SLC17A1: variants seen among roughly 807,000 people sequenced by gnomAD.
The protein encoded by SLC17A1 is solute carrier family 17 member 1.
SLC17A1 carries 51 observed loss-of-function variants against 53.5 expected under a neutral mutation model. That is an observed-to-expected ratio of 0.95 (90% CI 0.76 to 1.20). The LOEUF (loss-of-function observed/expected upper bound fraction) is 1.20. Among genes scored for constraint, SLC17A1 ranks in the 50% most tolerant of loss-of-function variants. The pLI is 0.00. For missense variants in SLC17A1, 538 were observed against 568.2 expected (o/e 0.95, Z 0.54); for synonymous variants, 179 against 198.8 (o/e 0.90, Z 0.84).
intron 12 of SLC17A1, among the ~76,000 whole-genome samples, chr6:25,785,393 T>A (rs1406401296): frequency 6.6e-6 from 1 of 152,122 alleles, no homozygotes; most frequent in African/African-American, 2.4e-5. Context: ...TACATCTTCA[T>A]GACCTTTGAC....
the SLC17A1 span, among the ~76,000 whole-genome samples, chr6:25,753,563 T>TA: frequency 1.1e-4 from 16 of 151,736 alleles, no homozygotes; most frequent in Non-Finnish European, 2.1e-4. Context: ...ATGGAGAAAA[T>TA]AAAAAATAAT....
the SLC17A1 span, among the ~76,000 whole-genome samples, chr6:25,728,008 T>A: frequency 1.3e-5 from 2 of 152,062 alleles, no homozygotes; most frequent in South Asian, 4.2e-4. Context: ...CGAGACTGTC[T>A]CAAAAAACAA....
intron 12 of SLC17A1, among the ~76,000 whole-genome samples, chr6:25,784,626 T>C (rs1267005697): frequency 6.6e-6 from 1 of 152,122 alleles, no homozygotes; most frequent in Non-Finnish European, 1.5e-5. Flanking sequence ...TACGCCCCAC[T>C]TTTAACACTA....
intron 6 of SLC17A1, among the ~76,000 whole-genome samples, chr6:25,817,613 A>C (rs1173032776): frequency 1.3e-5 from 2 of 152,242 alleles, no homozygotes; most frequent in African/African-American, 4.8e-5. Flanking sequence ...ATCTTATCAT[A>C]GAAATACAAC....
the SLC17A1 span, among the ~76,000 whole-genome samples, chr6:25,733,814 G>A: frequency 1.3e-4 from 16 of 119,410 alleles, no homozygotes; most frequent in African/African-American, 4.4e-4. Context: ...GTATGTGTGT[G>A]TGTGTGTGTG....
At chr6:25,764,490 A>G in the SLC17A1 span, among the ~76,000 whole-genome samples, 1 of 152,236 alleles carries the variant, frequency 6.6e-6, no homozygotes, top group East Asian at 1.9e-4. Context: ...GATTGAAACT[A>G]AGGAATTATT....
At chr6:25,740,363 C>A in the SLC17A1 span, among the ~76,000 whole-genome samples, 1 of 150,866 alleles carries the variant, frequency 6.6e-6, no homozygotes, top group African/African-American at 2.4e-5. Context: ...CAAGATATAA[C>A]TTCAAGCATC....
At chr6:25,794,690 A>G (rs1218487447) in intron 12 of SLC17A1, among the ~76,000 whole-genome samples, 1 of 152,148 alleles carries the variant, frequency 6.6e-6, no homozygotes, top group Admixed American at 6.6e-5. Flanking sequence ...TAAACTCATG[A>G]ACCCGGTACA....
rs748278127 is a variant in SLC17A1 at position 25,801,906 on chromosome 6, G to A, written c.1179-926C>T. Among the ~76,000 whole-genome samples, 6 of 146,914 alleles carry A rather than the reference G, an allele frequency of 4.1e-5. No homozygotes were observed. The South Asian group carries it at 1.3e-3, about 32-fold the overall frequency. The stretch of plus-strand genomic sequence containing the variant: ...AGGATTAGAGTTGTCTCTTTTTGAC[G>A]ATCTAGGGAGTGTGTTGTAATGGAT... On this transcript the variant is annotated intron_variant, in intron 10 of 12. Coordinates refer to ENST00000244527, the MANE Select transcript of SLC17A1 (RefSeq NM_005074.5).
chr6:25,793,166 G>C (rs1393820997), intron 12 of SLC17A1, among the ~76,000 whole-genome samples: 3 of 152,032 alleles, frequency 2.0e-5, no homozygotes, highest in African/African-American at 7.2e-5. Context: ...CTCCCTCTTA[G>C]GAATACTGAG....
At chr6:25,741,415 C>CAAAA in the SLC17A1 span, among the ~76,000 whole-genome samples, 1 of 82,924 alleles carries the variant, frequency 1.2e-5, no homozygotes. Flanking sequence ...ACTAAGAATC[C>CAAAA]AAAAAAAAAA....
chr6:25,727,439 T>G, the SLC17A1 span: 9 of 662,358 alleles, frequency 1.4e-5, no homozygotes, highest in African/African-American at 5.5e-5. Context: ...TCTCCCAGGC[T>G]GGAGTGCAGT....
downstream of SLC17A1, among the ~76,000 whole-genome samples, chr6:25,781,764 A>C (rs1359151092): frequency 1.3e-5 from 2 of 152,122 alleles, no homozygotes; most frequent in Non-Finnish European, 2.9e-5. Flanking sequence ...ACCCCTGAGG[A>C]AGAGCTTTAA....
the SLC17A1 span, among the ~76,000 whole-genome samples, chr6:25,757,956 T>C: frequency 7.9e-4 from 121 of 152,280 alleles, no homozygotes; most frequent in African/African-American, 2.5e-3. Flanking sequence ...ATTTAAGAGA[T>C]TGTAAACTGG....
At chr6:25,773,134 G>A in the SLC17A1 span, 1 of 723,290 alleles carries the variant, frequency 1.4e-6, no homozygotes, top group Non-Finnish European at 2.4e-6. Context: ...CCTCCCCCAT[G>A]ATAGGGCCAT....
chr6:25,791,419 T>C (rs1254300603), intron 12 of SLC17A1, among the ~76,000 whole-genome samples: 2 of 152,190 alleles, frequency 1.3e-5, no homozygotes, highest in Non-Finnish European at 2.9e-5. Context: ...TAGTAATAGA[T>C]ATTAAACTAA....
chr6:25,814,135 A>G (rs1474273499), intron 6 of SLC17A1, among the ~76,000 whole-genome samples: 1 of 152,216 alleles, frequency 6.6e-6, no homozygotes, highest in Non-Finnish European at 1.5e-5. Context: ...AGTTTTTTAT[A>G]TGAATAATTT....
In SLC17A1 at chr6:25,829,583, T is replaced by C. The variant is rs73383277; in HGVS notation, c.34+941A>G. 8.9e-3 allele frequency among the ~76,000 whole-genome samples: 1,353 copies of C among 152,272 alleles called. 17 individuals are homozygous for C. The highest frequency in any genetic ancestry group is 0.029 in the African/African-American group (1,223 of 41,554). ...TTGTCTTAGTCATTTAGGGGTATGCTTTTGAGTTTTACTCATTTCTCTCCT... is the reference window on the plus strand; with the variant it reads ...TTGTCTTAGTCATTTAGGGGTATGCCTTTGAGTTTTACTCATTTCTCTCCT... On this transcript the variant is annotated intron_variant, in intron 2 of 12. Transcript: ENST00000244527.
At chr6:25,777,739 A>C in the SLC17A1 span, 1 of 573,974 alleles carries the variant, frequency 1.7e-6, no homozygotes, top group African/African-American at 1.9e-5. Context: ...TGGTCAGTAC[A>C]TTTCATTCAG....
Sources: gnomAD v4.1 joint callset for allele counts (sites outside exome capture counted in the v4.1 genomes callset) on GRCh38, gnomAD v4.1.1 for gene constraint, MANE v1.5 for transcripts, NCBI Gene and HGNC (gene_info 2026-07-23, HGNC 2026-07-21) for gene names.